The following SVIL variants were observed in gnomAD, a reference collection of about 807,000 sequenced individuals.
The protein encoded by SVIL is supervillin, also known as archvillin.
In SVIL, 101 loss-of-function variants were observed where a neutral mutation model predicts 240.4. The observed-to-expected ratio is 0.42, with a 90% confidence interval of 0.36 to 0.50. SVIL has a LOEUF of 0.50. SVIL is among the 20% of genes least tolerant of loss of function. SVIL has a pLI of 0.01. For missense variants in SVIL, 2,512 were observed against 2,818.7 expected, an observed-to-expected ratio of 0.89 and a Z score of 2.46; for synonymous variants, 999 against 1,100.0, an observed-to-expected ratio of 0.91 and a Z score of 1.82.
chr10:29,539,738 GC>G (rs927629501), intron 6 of SVIL, among the ~76,000 whole-genome samples: 1 of 152,052 alleles, frequency 6.6e-6, no homozygotes, highest in Non-Finnish European at 1.5e-5. Flanking sequence ...ACGATACACA[GC>G]CCCAGGGTGC....
chr10:29,546,543 T>A (rs1952704604), intron 6 of SVIL, among the ~76,000 whole-genome samples: 1 of 149,174 alleles, frequency 6.7e-6, no homozygotes, highest in Admixed American at 6.8e-5. Context: ...AGGTAAATAT[T>A]GTCCTAAAGA....
intron 2 of SVIL, among the ~76,000 whole-genome samples, chr10:29,675,415 G>C (rs1402058652): frequency 1.3e-5 from 2 of 152,170 alleles, no homozygotes; most frequent in Non-Finnish European, 2.9e-5. Flanking sequence ...GAGGCTGGAG[G>C]ATCATTTGAG....
chr10:29,554,678 C>A, intron 5 of SVIL, 105 bp downstream of exon 5: 1 of 1,329,152 alleles, frequency 7.5e-7, no homozygotes, highest in Non-Finnish European at 9.8e-7. Flanking sequence ...CCACACAATT[C>A]ACTTCTGTGG....
At chr10:29,719,446 C>G (rs1389957266) in intron 1 of SVIL, among the ~76,000 whole-genome samples, 1 of 152,176 alleles carries the variant, frequency 6.6e-6, no homozygotes, top group Non-Finnish European at 1.5e-5. Flanking sequence ...TCCATCCCCC[C>G]AGAAGATAAC....
chr10:29,649,373 G>A (rs1041525099), intron 3 of SVIL, among the ~76,000 whole-genome samples: 1 of 151,848 alleles, frequency 6.6e-6, no homozygotes, highest in Non-Finnish European at 1.5e-5. Context: ...GAACCCCCAC[G>A]GCATGCCTCT....
At chr10:29,571,605 T>C (rs751178381) in intron 1 of SVIL, among the ~76,000 whole-genome samples, 5 of 152,170 alleles carry the variant, frequency 3.3e-5, no homozygotes, top group Non-Finnish European at 5.9e-5. Context: ...AGGGCAGATA[T>C]TACTAGAGAT....
chr10:29,714,427 T>C (rs1963492271), intron 1 of SVIL, among the ~76,000 whole-genome samples: 2 of 152,224 alleles, frequency 1.3e-5, no homozygotes. Flanking sequence ...TCTTTCCTAA[T>C]TTCTAATACA....
chr10:29,688,879 A>G (rs1336518432), intron 1 of SVIL, among the ~76,000 whole-genome samples: 3 of 152,256 alleles, frequency 2.0e-5, no homozygotes, highest in Admixed American at 2.0e-4. Context: ...TGTTAAGTTT[A>G]CAATATATAT....
At chr10:29,718,376 C>T (rs1279756795) in intron 1 of SVIL, among the ~76,000 whole-genome samples, 1 of 151,964 alleles carries the variant, frequency 6.6e-6, no homozygotes, top group Non-Finnish European at 1.5e-5. Flanking sequence ...AATGCGATTA[C>T]TAGGAAATGT....
At position 29,524,697 on chromosome 10, in the gene SVIL, G is replaced by C; in HGVS notation, c.2361C>G (p.His787Gln). Residue 787 changes from histidine to glutamine, a missense_variant, in exon 14 of 38, where the codon CAC (histidine) becomes CAG (glutamine). Transcript: ENST00000355867. ...VQPARLQASA[H>Q]QKALAKDQTN... is the part of the protein sequence containing the mutation. ...TCTGGTCCTTGGCTAAGGCCTTTTGGTGAGCAGAGGCCTGCAATCTGAAAA... is the reference window on the plus strand; with the variant it reads ...TCTGGTCCTTGGCTAAGGCCTTTTGCTGAGCAGAGGCCTGCAATCTGAAAA... The C allele has an allele frequency of 6.2e-7, 1 of 1,614,076 alleles. No homozygotes were observed. Among genetic ancestry groups the C allele is most frequent in the Non-Finnish European group, 8.5e-7 (1 of 1,180,004 alleles).
intron 22 of SVIL, among the ~76,000 whole-genome samples, 199 bp downstream of exon 22, chr10:29,490,646 TAC>T (rs1947867988): frequency 6.6e-6 from 1 of 151,518 alleles, no homozygotes. Context: ...GAACAGGTGA[TAC>T]ACACTTTGAG....
chr10:29,501,115 C>T (rs1213344064), intron 17 of SVIL, among the ~76,000 whole-genome samples: 2 of 151,680 alleles, frequency 1.3e-5, no homozygotes, highest in Admixed American at 6.6e-5. Flanking sequence ...TTCGAGGTCC[C>T]TGCCAACTTA....
chr10:29,486,107 C>T lies in SVIL; in HGVS notation c.4757G>A (p.Cys1586Tyr). The T allele has an allele frequency of 1.2e-6, 2 of 1,614,224 alleles. No homozygotes were observed. Among genetic ancestry groups the T allele is most frequent in the Non-Finnish European group, 1.7e-6 (2 of 1,180,038 alleles). Residue 1586 changes from cysteine to tyrosine, a missense_variant, in exon 26 of 38, where the codon TGC (cysteine) becomes TAC (tyrosine). Physicochemically the swap from Cys to Tyr is radical, Grantham distance 194. Coordinates refer to ENST00000355867, the MANE Select transcript of SVIL (RefSeq NM_021738.3). ...DDDYWGKIPKCSLLQPKEVLV... is the reference protein window; with the variant it reads ...DDDYWGKIPKYSLLQPKEVLV... ...TACCTCTTTGGGTTGCAGAAGGGAG[C>T]ACTTCGGAATTTTCCCCCAGTAGTC...
At position 29,647,624 on chromosome 10, in the gene SVIL, G is replaced by GGGGT. The variant is rs148132418; in HGVS notation, c.-201+10344_-201+10345insACCC. On this transcript the variant is annotated intron_variant, in intron 3 of 35. Transcript: ENST00000375400. Reference sequence around the variant, plus strand: ...ACTACCCATTTTTAATGCAAATATAGGTGTGTGTGTGTTTGTGTGTGTGTG... The same window carrying GGGGT: ...ACTACCCATTTTTAATGCAAATATAGGGGTGTGTGTGTGTGTTTGTGTGTGTGTG... 1.9e-3 allele frequency among the ~76,000 whole-genome samples: 293 copies of GGGGT among 151,676 alleles called. 1 individual carries two copies. Among genetic ancestry groups the GGGGT allele is most frequent in the African/African-American group, 6.2e-3 (256 of 41,356 alleles).
At chr10:29,485,588 C>A (rs916105396) in intron 26 of SVIL, among the ~76,000 whole-genome samples, 2 of 152,204 alleles carry the variant, frequency 1.3e-5, no homozygotes, top group Non-Finnish European at 2.9e-5. Flanking sequence ...AATACTCTTC[C>A]ACCCAATTAA....
chr10:29,649,293 G>A (rs1241802947), intron 3 of SVIL, among the ~76,000 whole-genome samples: 1 of 152,134 alleles, frequency 6.6e-6, no homozygotes, highest in Non-Finnish European at 1.5e-5. Flanking sequence ...CTGTGAATCT[G>A]CACTCTAGAA....
In SVIL at chr10:29,490,228, G is replaced by A. The variant is rs371868295; in HGVS notation, c.4192+619C>T. Among the ~76,000 whole-genome samples, 29 of 152,114 alleles carry A rather than the reference G, an allele frequency of 1.9e-4. 1 individual carries two copies. In the East Asian group the frequency reaches 2.9e-3, roughly 15 times the overall value. On this transcript the variant is annotated intron_variant, in intron 22 of 37. Transcript: ENST00000355867. ...CAAGAACGATCTGAAAAGCACTGGC[G>A]TTTGTGTTAATTAATAATATAAAAA...
intron 17 of SVIL, among the ~76,000 whole-genome samples, chr10:29,501,931 A>G (rs1449602066): frequency 6.6e-6 from 1 of 152,194 alleles, no homozygotes; most frequent in Non-Finnish European, 1.5e-5. Context: ...AGGCATCTCA[A>G]CAGTCCAGGG....
chr10:29,623,005 AGTGTGTGTGCGAGTGT>A (rs912895707), intron 1 of SVIL, among the ~76,000 whole-genome samples: 4 of 152,270 alleles, frequency 2.6e-5, no homozygotes, highest in African/African-American at 9.6e-5. Context: ...AACTGTATCC[AGTGTGTGTGCGAGTGT>A]GTGTGTGTGC....
Sources: gnomAD v4.1 joint callset for allele counts (sites outside exome capture counted in the v4.1 genomes callset) on GRCh38, gnomAD v4.1.1 for gene constraint, MANE v1.5 for transcripts, NCBI Gene and HGNC (gene_info 2026-07-23, HGNC 2026-07-21) for gene names.